Variants in FSTL4 observed in about 807,000 individuals in gnomAD.
The protein encoded by FSTL4 is follistatin like 4.
A neutral mutation model predicts 78.2 loss-of-function variants in FSTL4; 28 were observed. The observed-to-expected ratio is 0.36, with a 90% confidence interval of 0.27 to 0.49. The LOEUF (loss-of-function observed/expected upper bound fraction) is 0.49. Ranked by LOEUF, FSTL4 falls within the 20% of genes least tolerant of loss-of-function variation. The pLI, the probability that FSTL4 is intolerant of heterozygous loss-of-function variation, is 0.98. For synonymous variants in FSTL4, 422 were observed against 440.5 expected, an observed-to-expected ratio of 0.96 and a Z score of 0.53; for missense variants, 922 against 1,084.9, an observed-to-expected ratio of 0.85 and a Z score of 2.11.
chr5:133,277,064 C>T (rs748624915), intron 6 of FSTL4, among the ~76,000 whole-genome samples: 9 of 152,194 alleles, frequency 5.9e-5, no homozygotes, highest in Non-Finnish European at 8.8e-5. Context: ...GTAATTCCAG[C>T]ACTTTGGGAG....
chr5:133,328,091 C>G (rs6872323), intron 4 of FSTL4, among the ~76,000 whole-genome samples: 66,978 of 152,134 alleles, frequency 0.44, 16,439 homozygotes, highest in Middle Eastern at 0.57. Context: ...ATCTGCATGT[C>G]TAAGGCTTGA....
At chr5:133,835,383 A>G in the FSTL4 span, among the ~76,000 whole-genome samples, 74 of 152,318 alleles carry the variant, frequency 4.9e-4, no homozygotes, top group Non-Finnish European at 5.7e-4. Context: ...GATATAAAAT[A>G]TTAGGCAGTA....
At chr5:133,660,509 G>C in the FSTL4 span, among the ~76,000 whole-genome samples, 1 of 152,128 alleles carries the variant, frequency 6.6e-6, no homozygotes, top group Middle Eastern at 3.2e-3. Context: ...TGGGGCTATG[G>C]GCAGAACATT....
chr5:133,816,496 C>A, the FSTL4 span, among the ~76,000 whole-genome samples: 1 of 152,154 alleles, frequency 6.6e-6, no homozygotes, highest in Non-Finnish European at 1.5e-5. Flanking sequence ...AGATGCTGAC[C>A]TGTCACTCCA....
intron 3 of FSTL4, among the ~76,000 whole-genome samples, chr5:133,464,805 A>G (rs1174419969): frequency 2.6e-5 from 4 of 152,226 alleles, no homozygotes; most frequent in African/African-American, 9.7e-5. Flanking sequence ...CTGTTTTCAT[A>G]CTTTTTATGT....
chr5:133,308,575 G>A (rs772960449), intron 6 of FSTL4, among the ~76,000 whole-genome samples: 19 of 152,200 alleles, frequency 1.2e-4, no homozygotes, highest in Non-Finnish European at 2.6e-4. Context: ...GTGGAAGTCT[G>A]GTATGGGGCC....
chr5:133,319,866 A>T (rs1471464105), intron 4 of FSTL4, among the ~76,000 whole-genome samples: 1 of 152,178 alleles, frequency 6.6e-6, no homozygotes, highest in Non-Finnish European at 1.5e-5. Flanking sequence ...GCCCAAACTT[A>T]AATCATGAAG....
the FSTL4 span, among the ~76,000 whole-genome samples, chr5:133,794,579 T>C: frequency 6.6e-6 from 1 of 152,188 alleles, no homozygotes; most frequent in Admixed American, 6.5e-5. Context: ...AAGGCAGCAT[T>C]GGTAGGTAAC....
chr5:133,625,786 CATAT>C, the FSTL4 span, among the ~76,000 whole-genome samples: 14 of 1,074 alleles, frequency 0.013, 5 homozygotes, highest in African/African-American at 0.088. Flanking sequence ...ATATATATTC[CATAT>C]ATATATATAT....
chr5:133,458,516 C>G (rs1219599522), intron 3 of FSTL4, among the ~76,000 whole-genome samples: 2 of 152,238 alleles, frequency 1.3e-5, no homozygotes, highest in Non-Finnish European at 2.9e-5. Context: ...GCATCTCATC[C>G]CATGTATTTC....
At chr5:133,700,819 C>T in the FSTL4 span, among the ~76,000 whole-genome samples, 5 of 152,222 alleles carry the variant, frequency 3.3e-5, no homozygotes, top group Non-Finnish European at 7.3e-5. Context: ...GAAGATGAGT[C>T]TTTGAAGGGA....
chr5:133,603,046 A>G (rs1262088753), intron 2 of FSTL4, among the ~76,000 whole-genome samples: 1 of 152,220 alleles, frequency 6.6e-6, no homozygotes, highest in Non-Finnish European at 1.5e-5. Context: ...GTGCCCTGGA[A>G]AGCTGCCTAT....
chr5:133,424,247 C>T (rs1261165664), intron 3 of FSTL4, among the ~76,000 whole-genome samples: 1 of 152,158 alleles, frequency 6.6e-6, no homozygotes, highest in East Asian at 1.9e-4. Flanking sequence ...GATTCTGCTG[C>T]GCGGGTAACC....
chr5:133,701,468 AACACACACACACACAC>A, the FSTL4 span, among the ~76,000 whole-genome samples: 68 of 129,088 alleles, frequency 5.3e-4, no homozygotes, highest in African/African-American at 2.0e-3. Context: ...AAGACACAGA[AACACACACACACACAC>A]ACACACACAC....
chr5:133,774,575 G>A, the FSTL4 span, among the ~76,000 whole-genome samples: 23 of 152,172 alleles, frequency 1.5e-4, no homozygotes, highest in East Asian at 5.8e-4. Flanking sequence ...GGACACTTAC[G>A]TAGTTGAGAA....
chr5:133,728,673 T>G, the FSTL4 span, among the ~76,000 whole-genome samples: 1 of 142,430 alleles, frequency 7.0e-6, no homozygotes, highest in Non-Finnish European at 1.5e-5. Flanking sequence ...CATTTCTCCT[T>G]GGAAATTGCA....
rs534970613 is a variant in FSTL4 at position 133,419,862 on chromosome 5, T to C, written c.161-18876A>G. On this transcript the variant is annotated intron_variant, in intron 3 of 15. Transcript: ENST00000265342. ...TCAATCTGTATTTCCTAATGACTGA[T>C]GATCTTGAACATCTTTTTATGTGCT... Among the ~76,000 whole-genome samples, 201 of 152,368 alleles carry C rather than the reference T, an allele frequency of 1.3e-3. 1 individual carries two copies. Among genetic ancestry groups the C allele is most frequent in the African/African-American group, 4.0e-3 (167 of 41,588 alleles).
intron 4 of FSTL4, among the ~76,000 whole-genome samples, chr5:133,375,248 A>G (rs1169257388): frequency 7.3e-6 from 1 of 137,424 alleles, no homozygotes; most frequent in Admixed American, 7.9e-5. Flanking sequence ...CCATTTATAA[A>G]GAGCTATTTT....
intron 4 of FSTL4, among the ~76,000 whole-genome samples, chr5:133,357,964 G>A (rs1451065325): frequency 2.0e-5 from 3 of 152,218 alleles, no homozygotes; most frequent in East Asian, 1.9e-4. Flanking sequence ...AGGACCAGTC[G>A]GCTTGGGCTG....
Sources: allele counts gnomAD v4.1 joint callset (sites outside exome capture counted in the v4.1 genomes callset), GRCh38; gene constraint gnomAD v4.1.1; transcripts MANE v1.5; gene names NCBI Gene and HGNC (gene_info 2026-07-23, HGNC 2026-07-21).